ADAMTS17: variants seen among roughly 807,000 people sequenced by gnomAD.
ADAMTS17 encodes A disintegrin and metalloproteinase with thrombospondin motifs 17.
ADAMTS17 carries 113 observed loss-of-function variants against 141.5 expected under a neutral mutation model. The observed-to-expected ratio is 0.80, with a 90% CI of 0.69 to 0.93. The LOEUF (loss-of-function observed/expected upper bound fraction) is 0.93. Ranked by LOEUF, ADAMTS17 falls within the 40% of genes least tolerant of loss-of-function variation. The pLI, the probability that ADAMTS17 is intolerant of heterozygous loss-of-function variation, is 0.00. For synonymous variants in ADAMTS17, 768 were observed against 630.6 expected, an observed-to-expected ratio of 1.22 and a Z score of -3.27; for missense variants, 1,659 against 1,517.9, an observed-to-expected ratio of 1.09 and a Z score of -1.54.
chr15:100,055,388 G>T (rs62041050), intron 15 of ADAMTS17, among the ~76,000 whole-genome samples: 13 of 152,140 alleles, frequency 8.5e-5, no homozygotes, highest in African/African-American at 3.1e-4. Context: ...ACAGAGGGTC[G>T]CTGGGTAGTC....
chr15:100,259,345 C>T (rs1412254930), intron 6 of ADAMTS17, among the ~76,000 whole-genome samples: 1 of 152,236 alleles, frequency 6.6e-6, no homozygotes, highest in Non-Finnish European at 1.5e-5. Flanking sequence ...AACCTGAATG[C>T]TGCGGCACCC....
chr15:99,975,045 G>A (rs531724204), intron 21 of ADAMTS17, among the ~76,000 whole-genome samples: 24 of 152,166 alleles, frequency 1.6e-4, no homozygotes, highest in Non-Finnish European at 2.4e-4. Context: ...CAAGCAGGCC[G>A]GTGCTTGAAA....
intron 14 of ADAMTS17, among the ~76,000 whole-genome samples, chr15:100,099,803 G>A (rs1042095325): frequency 1.4e-4 from 22 of 152,188 alleles, no homozygotes; most frequent in African/African-American, 5.3e-4. Context: ...CATTGGTCAA[G>A]ACAGCTCCTG....
chr15:100,052,708 T>C (rs1400451456), intron 16 of ADAMTS17, among the ~76,000 whole-genome samples: 1 of 152,240 alleles, frequency 6.6e-6, no homozygotes, highest in Admixed American at 6.5e-5. Context: ...TTGTTCTGAC[T>C]GTGACTAGGG....
intron 18 of ADAMTS17, among the ~76,000 whole-genome samples, chr15:100,004,028 T>C (rs2060982989): frequency 6.6e-6 from 1 of 152,266 alleles, no homozygotes; most frequent in South Asian, 2.1e-4. Flanking sequence ...ATGTGTATTT[T>C]ACCACAATTA....
chr15:100,057,961 T>TA (rs937637760), intron 15 of ADAMTS17, among the ~76,000 whole-genome samples: 31 of 151,854 alleles, frequency 2.0e-4, no homozygotes, highest in Non-Finnish European at 3.8e-4. Flanking sequence ...GAGGTTGGGT[T>TA]AAAAAAAAGC....
chr15:100,123,057 G>A (rs1237675118), intron 12 of ADAMTS17, among the ~76,000 whole-genome samples: 1 of 152,178 alleles, frequency 6.6e-6, no homozygotes. Flanking sequence ...AAGTTCTGGG[G>A]GAGGACTCAA....
At chr15:100,141,052 G>A (rs1262718375) in intron 10 of ADAMTS17, among the ~76,000 whole-genome samples, 1 of 152,174 alleles carries the variant, frequency 6.6e-6, no homozygotes, top group South Asian at 2.1e-4. Context: ...GAGTTGCGGT[G>A]GAAAGTCACA....
At chr15:100,051,009 C>T (rs2032094240) in intron 17 of ADAMTS17, among the ~76,000 whole-genome samples, 1 of 152,212 alleles carries the variant, frequency 6.6e-6, no homozygotes, top group African/African-American at 2.4e-5. Flanking sequence ...CTGCAGTGTG[C>T]ATGAGAGACA....
At chr15:100,335,962 A>G (rs774147296) in intron 2 of ADAMTS17, among the ~76,000 whole-genome samples, 1 of 152,208 alleles carries the variant, frequency 6.6e-6, no homozygotes, top group Non-Finnish European at 1.5e-5. Context: ...GTTCCCTCAG[A>G]TGTACTGGCT....
intron 3 of ADAMTS17, among the ~76,000 whole-genome samples, chr15:100,301,574 A>G (rs901058774): frequency 2.0e-5 from 3 of 146,568 alleles, no homozygotes; most frequent in Admixed American, 1.4e-4. Context: ...TGATGTTGTG[A>G]TCCACCTCAG....
intron 4 of ADAMTS17, among the ~76,000 whole-genome samples, chr15:100,264,776 G>T (rs2043650444): frequency 6.6e-6 from 1 of 152,098 alleles, no homozygotes; most frequent in Admixed American, 6.5e-5. Context: ...GTGAGAGATG[G>T]AAGGGGGATG....
At chr15:100,315,276 G>C (rs560277035) in intron 3 of ADAMTS17, among the ~76,000 whole-genome samples, 1 of 152,330 alleles carries the variant, frequency 6.6e-6, no homozygotes, top group South Asian at 2.1e-4. Flanking sequence ...AGCCTCGGCT[G>C]CCAGCCTGCT....
chr15:100,241,443 A>G (rs2042824426), intron 7 of ADAMTS17, among the ~76,000 whole-genome samples: 2 of 152,206 alleles, frequency 1.3e-5, no homozygotes, highest in African/African-American at 2.4e-5. Context: ...AACACACACT[A>G]GCACTTCTGA....
intron 3 of ADAMTS17, among the ~76,000 whole-genome samples, chr15:100,303,268 T>G (rs1312380582): frequency 1.3e-5 from 2 of 149,890 alleles, no homozygotes; most frequent in Admixed American, 6.7e-5. Context: ...GAGAGAACCC[T>G]GATACACTGT....
chr15:100,181,339 A>C (rs2040517977), intron 8 of ADAMTS17, among the ~76,000 whole-genome samples: 1 of 152,168 alleles, frequency 6.6e-6, no homozygotes, highest in Non-Finnish European at 1.5e-5. Context: ...GTGCAAGACA[A>C]AGTCCCTTTT....
chr15:100,296,835 T>C (rs1398075516), intron 3 of ADAMTS17, among the ~76,000 whole-genome samples: 5 of 152,190 alleles, frequency 3.3e-5, no homozygotes, highest in African/African-American at 7.2e-5. Flanking sequence ...CCTCTGCCTA[T>C]AGATGAAGTT....
At chr15:100,149,595 A>C (rs1219747942) in intron 10 of ADAMTS17, among the ~76,000 whole-genome samples, 2 of 151,854 alleles carry the variant, frequency 1.3e-5, no homozygotes, top group Non-Finnish European at 2.9e-5. Flanking sequence ...TGCTCACCAC[A>C]CCACTCTGGC....
intron 14 of ADAMTS17, among the ~76,000 whole-genome samples, chr15:100,100,475 C>G (rs529259606): frequency 6.6e-6 from 1 of 152,294 alleles, no homozygotes; most frequent in East Asian, 1.9e-4. Flanking sequence ...GACAGCTTCT[C>G]CTCCAAAGCT....
Sources: allele counts gnomAD v4.1 joint callset (sites outside exome capture counted in the v4.1 genomes callset), GRCh38; gene constraint gnomAD v4.1.1; transcripts MANE v1.5; gene names NCBI Gene and HGNC (gene_info 2026-07-23, HGNC 2026-07-21).